DIXDC1: variants seen among roughly 807,000 people sequenced by gnomAD.
DIXDC1 encodes dixin.
Under a neutral mutation model 103.1 loss-of-function variants are expected in DIXDC1, and 64 were observed. The ratio of observed to expected loss-of-function variants is 0.62; its 90% CI spans 0.51 to 0.76. The LOEUF is 0.76. Ranked by LOEUF, DIXDC1 falls within the 30% of genes least tolerant of loss-of-function variation. The probability of loss-of-function intolerance (pLI) is 0.00; values close to 1 mark genes in which losing one functional copy is unlikely to be tolerated. For synonymous variants in DIXDC1, 266 were observed against 298.5 expected, an observed-to-expected ratio of 0.89 and a Z score of 1.12; for missense variants, 759 against 834.2, an observed-to-expected ratio of 0.91 and a Z score of 1.11.
intron 17 of DIXDC1, chr11:111,996,370 A>T (rs1555175409): frequency 2.6e-6 from 1 of 382,828 alleles, no homozygotes; most frequent in African/African-American, 2.1e-5. Context: ...GATGCTGTTG[A>T]CTCAGAGAGG....
chr11:111,941,785 T>A (rs1966423250), intron 1 of DIXDC1, among the ~76,000 whole-genome samples: 1 of 151,240 alleles, frequency 6.6e-6, no homozygotes, highest in African/African-American at 2.4e-5. Context: ...GCTACTGTTC[T>A]CCAGCCTGGG....
At chr11:111,966,314 C>T (rs12802961) in intron 2 of DIXDC1, among the ~76,000 whole-genome samples, 5 of 140,424 alleles carry the variant, frequency 3.6e-5, no homozygotes, top group Middle Eastern at 3.8e-3. Flanking sequence ...CCTCCACCTT[C>T]TGGGTTCAAG....
At chr11:112,008,343 AGACTC>A (rs781843861) in intron 17 of DIXDC1, among the ~76,000 whole-genome samples, 24 of 152,296 alleles carry the variant, frequency 1.6e-4, no homozygotes, top group Non-Finnish European at 2.9e-4. Context: ...AAAGAGACTT[AGACTC>A]CCACACAATA....
chr11:111,937,479 G>A lies in DIXDC1; in HGVS notation c.-21G>A, dbSNP rs587730714. ...GGCCGCCGGGCTGGAGACCCCGCCC[G>A]GGGAGCCCCCAGCAGGAACAATGCT... On this transcript the variant is annotated 5_prime_UTR_variant, in exon 1 of 20. Transcript: ENST00000440460. 38 of 1,570,636 alleles carry A rather than the reference G, an allele frequency of 2.4e-5. No homozygotes were observed. Among genetic ancestry groups the A allele is most frequent in the African/African-American group, 1.6e-4 (12 of 73,822 alleles).
At chr11:112,013,053 T>A (rs782174834) in intron 17 of DIXDC1, among the ~76,000 whole-genome samples, 1 of 152,120 alleles carries the variant, frequency 6.6e-6, no homozygotes, top group Non-Finnish European at 1.5e-5. Flanking sequence ...TTCTCACAGT[T>A]CTGGAGGCTA....
At position 111,938,034 on chromosome 11, in the gene DIXDC1, A is replaced by G. The variant is rs587656717; in HGVS notation, c.60+475A>G. On this transcript the variant is annotated intron_variant, in intron 1 of 19. Transcript: ENST00000440460. ...ATGGTCCATGTGAAGTGCCCTCTTC[A>G]TGTCTGAATCTCTTTCTGAGTGCGG... Among the ~76,000 whole-genome samples the G allele has an allele frequency of 7.9e-5, 12 of 152,312 alleles. No homozygotes were observed. In the South Asian group the frequency reaches 2.5e-3, roughly 32 times the overall value.
intron 12 of DIXDC1, 110 bp from the exon 13 acceptor site, chr11:111,993,386 C>CT: frequency 4.3e-6 from 5 of 1,169,504 alleles, no homozygotes; most frequent in Non-Finnish European, 3.7e-6. Flanking sequence ...GAGGAAAGGA[C>CT]TTTTTTTCCT....
rs782311544 is a variant in DIXDC1 at position 111,993,517 on chromosome 11, C to T, written c.1294C>T (p.Arg432Cys). Reference protein sequence around the residue: ...EYKKELGQKDRLLQQHQAKLE... With the variant: ...EYKKELGQKDCLLQQHQAKLE... ...GCAGAAAGAGCTGGGGCAGAAGGAT[C>T]GCCTTCTTCAGCAGCACCAGGCCAA... Residue 432 changes from arginine to cysteine, a missense_variant, in exon 13 of 20, where the codon CGC becomes TGC. By Grantham distance (180) the Arg-to-Cys change is radical. Transcript: ENST00000440460. 6 of 1,613,832 alleles carry T rather than the reference C, an allele frequency of 3.7e-6. No homozygotes were observed. In the East Asian group the frequency reaches 1.1e-4, roughly 30 times the overall value.
At chr11:111,989,829 C>T (rs1860637067) in intron 10 of DIXDC1, among the ~76,000 whole-genome samples, 1 of 150,244 alleles carries the variant, frequency 6.7e-6, no homozygotes, top group Non-Finnish European at 1.5e-5. Context: ...CGCTCTGTTG[C>T]CCAGGCTGGA....
intron 10 of DIXDC1, 41 bp downstream of exon 10, chr11:111,989,096 C>T: frequency 3.3e-6 from 5 of 1,524,806 alleles, no homozygotes; most frequent in Non-Finnish European, 4.4e-6. Flanking sequence ...AAAGTCTCTG[C>T]AATGTAAAGT....
intron 14 of DIXDC1, among the ~76,000 whole-genome samples, chr11:111,994,573 A>G (rs1860821427): frequency 6.6e-6 from 1 of 151,236 alleles, no homozygotes; most frequent in African/African-American, 2.4e-5. Flanking sequence ...ATATGTATGT[A>G]TGTATGTGTA....
In DIXDC1 at chr11:111,949,717, G is replaced by A. The variant is rs372592496; in HGVS notation, c.60+12158G>A. ...TTTCTCCAACATTATCACCTGCTCCGCCCACACGCTACCCCCTCAACTGGC... is the reference window on the plus strand; with the variant it reads ...TTTCTCCAACATTATCACCTGCTCCACCCACACGCTACCCCCTCAACTGGC... On this transcript the variant is annotated intron_variant, in intron 1 of 19. Coordinates refer to ENST00000440460, the MANE Select transcript of DIXDC1 (RefSeq NM_001037954.4). Among the ~76,000 whole-genome samples, 56 of 152,168 alleles carry A rather than the reference G, an allele frequency of 3.7e-4. 2 individuals are homozygous for A. In the South Asian group the frequency reaches 0.012, roughly 32 times the overall value.
In DIXDC1 at chr11:111,974,937, C is replaced by G. The variant is rs1327091595; in HGVS notation, c.610C>G (p.Gln204Glu). 6.2e-7 allele frequency: 1 copy of G among 1,613,420 alleles called. No individual in the cohort carries two copies. The highest frequency in any genetic ancestry group is 8.5e-7 in the Non-Finnish European group (1 of 1,179,814). The change falls in exon 5 of 20, where the codon CAG becomes GAG. Residue 204 changes from glutamine (Q) to glutamate (E), a missense_variant. By Grantham distance (29) the Gln-to-Glu change is conservative. Coordinates refer to ENST00000440460, the MANE Select transcript of DIXDC1 (RefSeq NM_001037954.4). ...PYWSVRALVQ[Q>E]YEGQQRSPSE... Reference sequence around the variant, plus strand: ...CTGGAGTGTGCGGGCCCTAGTGCAGCAGTACGAAGGGCAACAAAGGTCCCC... The same window carrying G: ...CTGGAGTGTGCGGGCCCTAGTGCAGGAGTACGAAGGGCAACAAAGGTCCCC...
At chr11:111,969,905 TAGG>T (rs148089069) in intron 3 of DIXDC1, among the ~76,000 whole-genome samples, 3,752 of 152,166 alleles carry the variant, frequency 0.025, 160 homozygotes, top group African/African-American at 0.086. Flanking sequence ...GGCATCCAAA[TAGG>T]AGAAGAAAAA....
chr11:111,967,672 T>C (rs1859783766), intron 2 of DIXDC1, among the ~76,000 whole-genome samples: 1 of 152,110 alleles, frequency 6.6e-6, no homozygotes, highest in African/African-American at 2.4e-5. Context: ...GCTCAGACAA[T>C]TCCCCTGCCT....
At chr11:111,983,459 T>G (rs1469871176) in intron 7 of DIXDC1, among the ~76,000 whole-genome samples, 1 of 152,204 alleles carries the variant, frequency 6.6e-6, no homozygotes, top group African/African-American at 2.4e-5. Context: ...AGTTGTTGGT[T>G]TTCCTTCATT....
chr11:111,986,572 C>T (rs1264105526), intron 8 of DIXDC1, among the ~76,000 whole-genome samples: 2 of 151,954 alleles, frequency 1.3e-5, no homozygotes, highest in Non-Finnish European at 2.9e-5. Context: ...CCATGTTGGC[C>T]AGGCTGGTCT....
chr11:111,946,203 G>C (rs1555169352), intron 1 of DIXDC1, among the ~76,000 whole-genome samples: 5 of 151,792 alleles, frequency 3.3e-5, no homozygotes, highest in African/African-American at 1.2e-4. Flanking sequence ...CCGCCTCCTG[G>C]GTTCCCGCCA....
At chr11:111,937,306 G>A (rs1334326898), upstream of DIXDC1, 4 of 1,335,614 alleles carry the variant, frequency 3.0e-6, no homozygotes, top group Non-Finnish European at 3.8e-6. Context: ...CCCCTCCAGC[G>A]GAGGCCCCCG....
Sources: allele counts gnomAD v4.1 joint callset (sites outside exome capture counted in the v4.1 genomes callset), GRCh38; gene constraint gnomAD v4.1.1; transcripts MANE v1.5; gene names NCBI Gene and HGNC (gene_info 2026-07-23, HGNC 2026-07-21).